Variants in DCDC1 observed in about 807,000 individuals in gnomAD.
DCDC1 encodes the protein doublecortin domain containing 1, also known as doublecortin domain-containing protein 1.
A neutral mutation model predicts 178.3 loss-of-function variants in DCDC1; 200 were observed. That is an observed-to-expected ratio of 1.12 (90% CI 1.00 to 1.26). DCDC1 has a LOEUF of 1.26. Ranked by LOEUF, DCDC1 falls within the 50% of genes most tolerant of loss-of-function variation. The pLI is 0.00. For synonymous variants in DCDC1, 690 were observed against 604.8 expected (o/e 1.14, Z -2.07); for missense variants, 1,983 against 1,749.2 (o/e 1.13, Z -2.38).
chr11:31,157,366 A>ATATATAT (rs530324583), intron 9 of DCDC1, among the ~76,000 whole-genome samples: 4 of 96,786 alleles, frequency 4.1e-5, no homozygotes, highest in South Asian at 9.8e-4. Flanking sequence ...AAAAAAAAAA[A>ATATATAT]AAAAAAATAT....
At chr11:30,934,240 A>G (rs1444770028) in intron 21 of DCDC1, among the ~76,000 whole-genome samples, 2 of 152,186 alleles carry the variant, frequency 1.3e-5, no homozygotes, top group Non-Finnish European at 2.9e-5. Context: ...AGGGACTCCT[A>G]TCAAGTCAAC....
chr11:31,097,728 C>T (rs1355370888), intron 15 of DCDC1, among the ~76,000 whole-genome samples: 3 of 152,144 alleles, frequency 2.0e-5, no homozygotes, highest in Non-Finnish European at 4.4e-5. Context: ...GTGTCCTATG[C>T]TAATGGCAAT....
intron 9 of DCDC1, among the ~76,000 whole-genome samples, chr11:31,227,345 A>G (rs1294311576): frequency 1.3e-5 from 2 of 152,186 alleles, no homozygotes; most frequent in East Asian, 3.9e-4. Flanking sequence ...GCAAGAGAGA[A>G]GGGGGAAGTT....
At chr11:30,910,188 C>CA (rs1183067753) in intron 28 of DCDC1, among the ~76,000 whole-genome samples, 2 of 152,116 alleles carry the variant, frequency 1.3e-5, no homozygotes, top group Non-Finnish European at 2.9e-5. Flanking sequence ...ACACCAGCAA[C>CA]AAAAAATTCT....
At chr11:31,148,015 A>G (rs1964639127) in intron 9 of DCDC1, among the ~76,000 whole-genome samples, 1 of 152,156 alleles carries the variant, frequency 6.6e-6, no homozygotes, top group East Asian at 1.9e-4. Flanking sequence ...CAGTTCCTCC[A>G]AAACTCAGAG....
Position 31,042,210 on chromosome 11 carries a change from T to C in DCDC1, c.2591+22259A>G, listed in dbSNP as rs141277683. ...TCTTGGCTAACTATCTGAGTGGCCA[T>C]AGACAAATTATTTAATTTCTTTGGG... On this transcript the variant is annotated intron_variant, in intron 20 of 38. Coordinates refer to ENST00000684477, the MANE Select transcript of DCDC1 (RefSeq NM_001387274.1). Among the ~76,000 whole-genome samples, 925 of 152,354 alleles carry C rather than the reference T, an allele frequency of 6.1e-3. 6 individuals are homozygous for C. Among genetic ancestry groups the C allele is most frequent in the Non-Finnish European group, 9.2e-3 (629 of 68,024 alleles).
chr11:30,917,979 T>TCACTGCC (rs1321901112), intron 25 of DCDC1, among the ~76,000 whole-genome samples: 2 of 152,100 alleles, frequency 1.3e-5, no homozygotes, highest in Non-Finnish European at 1.5e-5. Flanking sequence ...TGGTGGGTAA[T>TCACTGCC]CACTGCCTCA....
intron 30 of DCDC1, among the ~76,000 whole-genome samples, chr11:30,905,904 A>G (rs561555604): frequency 5.3e-5 from 8 of 152,328 alleles, no homozygotes; most frequent in South Asian, 2.1e-4. Flanking sequence ...CAAGCCCTGA[A>G]GAGCACACCA....
intron 1 of DCDC1, among the ~76,000 whole-genome samples, chr11:31,354,339 A>G (rs1234884938): frequency 6.6e-6 from 1 of 152,214 alleles, no homozygotes; most frequent in East Asian, 1.9e-4. Flanking sequence ...CTGTCAACAC[A>G]GAATAGGTCA....
intron 9 of DCDC1, among the ~76,000 whole-genome samples, chr11:31,151,925 T>C (rs1271248393): frequency 6.6e-6 from 1 of 152,162 alleles, no homozygotes; most frequent in Non-Finnish European, 1.5e-5. Flanking sequence ...TAGTTAATAA[T>C]ATGTTGTATA....
At chr11:31,315,679 A>G in intron 3 of DCDC1, among the ~76,000 whole-genome samples, 1 of 120,718 alleles carries the variant, frequency 8.3e-6, no homozygotes, top group African/African-American at 3.5e-5. Context: ...TTAAACTCTA[A>G]GTTTTAGGGT....
At chr11:31,308,309 T>C (rs962389001) in intron 3 of DCDC1, among the ~76,000 whole-genome samples, 2 of 152,240 alleles carry the variant, frequency 1.3e-5, no homozygotes, top group Non-Finnish European at 2.9e-5. Flanking sequence ...CCACTTTATT[T>C]TCTAATACTT....
intron 6 of DCDC1, among the ~76,000 whole-genome samples, chr11:31,303,944 C>G (rs924286988): frequency 1.3e-5 from 2 of 152,118 alleles, no homozygotes; most frequent in Non-Finnish European, 2.9e-5. Flanking sequence ...GCTGATCCAG[C>G]AAGAGATGGT....
intron 9 of DCDC1, among the ~76,000 whole-genome samples, chr11:31,145,130 C>T (rs1051550925): frequency 6.6e-6 from 1 of 152,032 alleles, no homozygotes; most frequent in African/African-American, 2.4e-5. Context: ...AAATTTGGGC[C>T]ACAATCCCTA....
chr11:30,955,227 A>G (rs983874585), intron 20 of DCDC1, among the ~76,000 whole-genome samples: 27 of 152,292 alleles, frequency 1.8e-4, no homozygotes, highest in Non-Finnish European at 2.6e-4. Context: ...GTTGTTTCTC[A>G]TAGCCATATC....
chr11:30,893,581 T>A (rs1943966503), intron 35 of DCDC1, among the ~76,000 whole-genome samples: 1 of 152,218 alleles, frequency 6.6e-6, no homozygotes, highest in South Asian at 2.1e-4. Flanking sequence ...CACGAAGTCT[T>A]ATTTCTAGGG....
At chr11:31,251,459 C>T (rs952938319) in intron 8 of DCDC1, among the ~76,000 whole-genome samples, 3 of 151,642 alleles carry the variant, frequency 2.0e-5, no homozygotes, top group African/African-American at 4.9e-5. Flanking sequence ...AATGAGGGCC[C>T]GAATAGAACA....
intron 3 of DCDC1, among the ~76,000 whole-genome samples, chr11:31,326,026 A>G (rs191095889): frequency 6.6e-6 from 1 of 152,146 alleles, no homozygotes; most frequent in East Asian, 1.9e-4. Flanking sequence ...GAAACTCATC[A>G]TTTTCTTTTT....
intron 9 of DCDC1, among the ~76,000 whole-genome samples, chr11:31,214,689 C>G (rs112801411): frequency 0.01 from 1,589 of 152,086 alleles, 30 homozygotes; most frequent in African/African-American, 0.036. Context: ...AGACAATATA[C>G]CTTAAATTGG....
Sources: gnomAD v4.1 joint callset for allele counts (sites outside exome capture counted in the v4.1 genomes callset) on GRCh38, gnomAD v4.1.1 for gene constraint, MANE v1.5 for transcripts, NCBI Gene and HGNC (gene_info 2026-07-23, HGNC 2026-07-21) for gene names.